TMTC2: variants seen among roughly 807,000 people sequenced by gnomAD.
The protein encoded by TMTC2 is transmembrane O-mannosyltransferase targeting cadherins 2.
TMTC2 carries 43 observed loss-of-function variants against 82.4 expected under a neutral mutation model. The ratio of observed to expected loss-of-function variants is 0.52; its 90% CI spans 0.41 to 0.67. The LOEUF is 0.67. Among genes scored for constraint, TMTC2 ranks in the 30% least tolerant of loss-of-function variants. The pLI is 0.00. For synonymous variants in TMTC2, 408 were observed against 381.9 expected (o/e 1.07, Z -0.80); for missense variants, 919 against 1,012.4 (o/e 0.91, Z 1.25).
chr12:82,932,512 A>G (rs1157669111), intron 4 of TMTC2, among the ~76,000 whole-genome samples: 1 of 152,200 alleles, frequency 6.6e-6, no homozygotes, highest in Non-Finnish European at 1.5e-5. Flanking sequence ...GAAAATACAT[A>G]TCTAGGTACT....
At chr12:82,971,968 G>A (rs569616561) in intron 7 of TMTC2, among the ~76,000 whole-genome samples, 20 of 152,200 alleles carry the variant, frequency 1.3e-4, no homozygotes, top group Non-Finnish European at 7.4e-5. Flanking sequence ...ATAATTAAAT[G>A]CCTATAAATA....
At position 82,819,497 on chromosome 12, in the gene TMTC2, CTT is replaced by C. The variant is rs766912583; in HGVS notation, c.84-37493_84-37492del. Among the ~76,000 whole-genome samples, 800 of 118,234 alleles carry C rather than the reference CTT, an allele frequency of 6.8e-3. 3 individuals carry two copies. The highest frequency in any genetic ancestry group is 0.027 in the African/African-American group (762 of 28,400). 77.6% of individuals were successfully genotyped at this position (118,234 alleles called of 152,430 possible). On this transcript the variant is annotated intron_variant, in intron 1 of 11. Transcript: ENST00000321196. ...CATAGTACTTTTTCTTTCTCTCTTT[CTT>C]TTTTTTTTTTTTTTTTTTTGAGACG...
intron 1 of TMTC2, among the ~76,000 whole-genome samples, chr12:82,825,745 A>C (rs1869384159): frequency 6.6e-6 from 1 of 152,188 alleles, no homozygotes; most frequent in Admixed American, 6.5e-5. Context: ...AACTTTAAGA[A>C]ACAAATTTTC....
At chr12:83,115,945 G>A (rs1884744181) in intron 11 of TMTC2, among the ~76,000 whole-genome samples, 1 of 152,036 alleles carries the variant, frequency 6.6e-6, no homozygotes, top group Non-Finnish European at 1.5e-5. Context: ...GTGCCACCAT[G>A]CCTGGCTAAT....
chr12:82,916,540 G>A (rs1421204564), intron 3 of TMTC2, among the ~76,000 whole-genome samples: 2 of 152,162 alleles, frequency 1.3e-5, no homozygotes, highest in African/African-American at 4.8e-5. Context: ...CCTGAGCCAT[G>A]GATGTGAGGA....
intron 9 of TMTC2, among the ~76,000 whole-genome samples, chr12:83,040,404 A>G (rs1748824217): frequency 6.6e-6 from 1 of 152,204 alleles, no homozygotes; most frequent in African/African-American, 2.4e-5. Flanking sequence ...GAGGAAGGGC[A>G]GCTTGAGAAC....
chr12:82,773,040 G>T (rs752199858), intron 1 of TMTC2, among the ~76,000 whole-genome samples: 2 of 152,144 alleles, frequency 1.3e-5, no homozygotes, highest in East Asian at 3.8e-4. Flanking sequence ...TGAATATGTA[G>T]TTTACAGTTT....
At chr12:82,973,352 A>C (rs1457772111) in intron 7 of TMTC2, among the ~76,000 whole-genome samples, 1 of 152,200 alleles carries the variant, frequency 6.6e-6, no homozygotes, top group Admixed American at 6.5e-5. Context: ...CAGAAAGGAT[A>C]CAACCAGGAG....
At chr12:82,987,438 GAA>G (rs1437900920) in intron 8 of TMTC2, among the ~76,000 whole-genome samples, 1 of 113,550 alleles carries the variant, frequency 8.8e-6, no homozygotes, top group Admixed American at 8.7e-5. Context: ...AAAAAAAAGA[GAA>G]AAAAAAAAAA....
At chr12:82,811,335 C>T (rs1315364642) in intron 1 of TMTC2, among the ~76,000 whole-genome samples, 1 of 152,090 alleles carries the variant, frequency 6.6e-6, no homozygotes, top group Non-Finnish European at 1.5e-5. Context: ...TTGTATTAGG[C>T]ATTTTTCTAG....
intron 10 of TMTC2, among the ~76,000 whole-genome samples, chr12:83,057,819 T>A (rs1217364441): frequency 6.6e-6 from 1 of 151,946 alleles, no homozygotes; most frequent in Non-Finnish European, 1.5e-5. Flanking sequence ...TAATTTTTAA[T>A]TCAAATTGAC....
chr12:82,956,817 A>T (rs1416622886), intron 4 of TMTC2, among the ~76,000 whole-genome samples: 1 of 152,164 alleles, frequency 6.6e-6, no homozygotes, highest in Non-Finnish European at 1.5e-5. Flanking sequence ...TCCATAATGT[A>T]AAGTGTTCAA....
At chr12:82,762,565 G>A (rs941078746) in intron 1 of TMTC2, among the ~76,000 whole-genome samples, 4 of 152,254 alleles carry the variant, frequency 2.6e-5, no homozygotes, top group African/African-American at 9.6e-5. Context: ...AAGAGATAAA[G>A]AAGAGAGAGT....
rs143153025 is a variant in TMTC2 at position 82,884,598 on chromosome 12, G to A, written c.655-11220G>A. 4.0e-3 allele frequency among the ~76,000 whole-genome samples: 603 copies of A among 152,224 alleles called. 8 individuals carry two copies. Among genetic ancestry groups the A allele is most frequent in the African/African-American group, 0.014 (577 of 41,546 alleles). On this transcript the variant is annotated intron_variant, in intron 2 of 11. Coordinates refer to ENST00000321196, the MANE Select transcript of TMTC2 (RefSeq NM_152588.3). ...GGTTTCTAAGAGCTTTTATTCTACT[G>A]TAGTAACAACCATTTAAAAATTTAT...
chr12:83,051,550 C>T (rs1008990530), intron 10 of TMTC2, among the ~76,000 whole-genome samples: 1 of 152,100 alleles, frequency 6.6e-6, no homozygotes, highest in Non-Finnish European at 1.5e-5. Flanking sequence ...TAATACATGT[C>T]TAATTAAATG....
chr12:83,020,169 T>C (rs1049751299), intron 8 of TMTC2, among the ~76,000 whole-genome samples: 3 of 152,214 alleles, frequency 2.0e-5, no homozygotes, highest in Non-Finnish European at 4.4e-5. Context: ...ATTGTGTTTG[T>C]CATACTCTTA....
intron 2 of TMTC2, among the ~76,000 whole-genome samples, chr12:82,870,895 AAGC>A (rs752501849): frequency 2.6e-5 from 4 of 152,224 alleles, no homozygotes; most frequent in Non-Finnish European, 5.9e-5. Context: ...TAAGTTGTCA[AAGC>A]AGCAGCCTGA....
chr12:83,120,968 T>A (rs559906434), intron 11 of TMTC2, among the ~76,000 whole-genome samples: 1 of 152,344 alleles, frequency 6.6e-6, no homozygotes, highest in East Asian at 1.9e-4. Context: ...CAGAGCATTT[T>A]GCATTTCTAT....
intron 2 of TMTC2, among the ~76,000 whole-genome samples, chr12:82,888,035 C>T (rs1346276859): frequency 2.0e-5 from 3 of 152,124 alleles, no homozygotes; most frequent in Admixed American, 6.5e-5. Context: ...GCCGAAATCG[C>T]GCCATTGCAT....
Sources: gnomAD v4.1 joint callset for allele counts (sites outside exome capture counted in the v4.1 genomes callset) on GRCh38, gnomAD v4.1.1 for gene constraint, MANE v1.5 for transcripts, NCBI Gene and HGNC (gene_info 2026-07-23, HGNC 2026-07-21) for gene names.